Variants in MYO5B observed in about 807,000 individuals in gnomAD.
The protein encoded by MYO5B is myosin VB, also known as unconventional myosin-Vb.
A neutral mutation model predicts 229.3 loss-of-function variants in MYO5B; 143 were observed. The ratio of observed to expected loss-of-function variants is 0.62; its 90% CI spans 0.54 to 0.72. MYO5B has a LOEUF of 0.72. MYO5B is among the 30% of genes least tolerant of loss of function. MYO5B has a pLI of 0.00. For synonymous variants in MYO5B, 918 were observed against 885.2 expected, an observed-to-expected ratio of 1.04 and a Z score of -0.66; for missense variants, 2,321 against 2,331.0, an observed-to-expected ratio of 1.00 and a Z score of 0.09.
At chr18:49,955,758 T>C (rs2025485856) in intron 12 of MYO5B, among the ~76,000 whole-genome samples, 3 of 152,234 alleles carry the variant, frequency 2.0e-5, no homozygotes, top group Admixed American at 1.3e-4. Context: ...ATATATTTAA[T>C]TCAGCACTTT....
Position 49,892,258 on chromosome 18 carries a change from A to T in MYO5B, c.3045+2683T>A, listed in dbSNP as rs2024724225. 2.0e-5 allele frequency among the ~76,000 whole-genome samples: 3 copies of T among 152,232 alleles called. 1 individual carries two copies. In the South Asian group the frequency reaches 6.2e-4, roughly 32 times the overall value. ...GTGTGGACTACCCCGTGGAAGCGCC[A>T]AAACAACAGATACCTTTAGTAGAAA... On this transcript the variant is annotated intron_variant, in intron 22 of 39. Coordinates refer to ENST00000285039, the MANE Select transcript of MYO5B (RefSeq NM_001080467.3).
At position 49,954,454 on chromosome 18, in the gene MYO5B, G is replaced by C. The variant is rs1276424786; in HGVS notation, c.1546-19C>G. 1.2e-6 allele frequency: 2 copies of C among 1,613,730 alleles called. No homozygotes were observed. The highest frequency in any genetic ancestry group is 1.7e-6 in the Non-Finnish European group (2 of 1,179,760). The stretch of plus-strand genomic sequence containing the variant: ...TGGGGACCTGCAGAACCACAAGATA[G>C]GGCAGAGCGCTTTGTGAAGAGGAAG... On this transcript the variant is annotated intron_variant, in intron 12 of 39. Coordinates refer to ENST00000285039, the MANE Select transcript of MYO5B (RefSeq NM_001080467.3).
chr18:49,875,716 T>G lies in MYO5B; in HGVS notation c.3508A>C (p.Arg1170=). 1 of 1,614,172 alleles carries G rather than the reference T, an allele frequency of 6.2e-7. No individual in the cohort carries two copies. Among genetic ancestry groups the G allele is most frequent in the Non-Finnish European group, 8.5e-7 (1 of 1,180,006 alleles). ...ACTTTCTTGCTGTCCTGCTGTTCTC[T>G]CTTCTCCAGCTGCACTTGCAGCTTT... ...RKKLQVQLEK[R]EQQDSKKVQA... is the part of the protein sequence containing the mutation. The change falls in exon 26 of 40, where the codon AGA becomes CGA. Residue 1170 remains arginine (R), a synonymous_variant. Transcript: ENST00000285039.
chr18:49,891,058 C>T (rs575702549), intron 22 of MYO5B, among the ~76,000 whole-genome samples: 48 of 152,254 alleles, frequency 3.2e-4, no homozygotes, highest in Middle Eastern at 3.4e-3. Context: ...GTCAAGGCCG[C>T]GCTTGAAGTC....
At chr18:49,938,718 C>G (rs188092807) in intron 14 of MYO5B, among the ~76,000 whole-genome samples, 1 of 152,320 alleles carries the variant, frequency 6.6e-6, no homozygotes, top group African/African-American at 2.4e-5. Flanking sequence ...AACCATCCAA[C>G]TGGTCACGTT....
At chr18:50,064,381 C>CAT (rs1202866082) in intron 1 of MYO5B, 1 of 152,226 alleles carries the variant, frequency 6.6e-6, no homozygotes, top group Non-Finnish European at 1.5e-5. Context: ...TAATGCATAT[C>CAT]ATGCAGCTAA....
intron 12 of MYO5B, among the ~76,000 whole-genome samples, chr18:49,957,328 G>GAC (rs1311125495): frequency 2.0e-5 from 3 of 152,034 alleles, no homozygotes; most frequent in African/African-American, 7.2e-5. Flanking sequence ...CAAAGCTGCT[G>GAC]ACAGGAGCTG....
chr18:50,017,383 C>T (rs1419737618), intron 4 of MYO5B, among the ~76,000 whole-genome samples: 1 of 152,166 alleles, frequency 6.6e-6, no homozygotes, highest in Non-Finnish European at 1.5e-5. Flanking sequence ...CCTTGGCCTC[C>T]CAAAGTGCTG....
intron 4 of MYO5B, among the ~76,000 whole-genome samples, chr18:50,027,768 C>G (rs561214433): frequency 1.5e-4 from 23 of 152,282 alleles, no homozygotes; most frequent in Admixed American, 6.5e-4. Flanking sequence ...ACAACAGACT[C>G]GTTACATCTG....
rs112388564 is a variant in MYO5B, at chr18:49,952,820, G to A, written c.1752+440C>T. 2.8e-4 allele frequency among the ~76,000 whole-genome samples: 43 copies of A among 151,954 alleles called. 1 individual carries two copies. The highest frequency in any genetic ancestry group is 1.5e-3 in the South Asian group (7 of 4,786). On this transcript the variant is annotated intron_variant, in intron 14 of 39. Coordinates refer to ENST00000285039, the MANE Select transcript of MYO5B (RefSeq NM_001080467.3). ...TTATAGAGAGGTTCTATAGACTGCT[G>A]AACAAATTAAATGCAGATACTAGAT...
chr18:50,088,736 C>A (rs1391989822), intron 1 of MYO5B, among the ~76,000 whole-genome samples: 1 of 152,186 alleles, frequency 6.6e-6, no homozygotes, highest in East Asian at 1.9e-4. Flanking sequence ...CCTCCATCTT[C>A]CAAAAGTGAT....
At chr18:49,891,739 C>T (rs1335166708) in intron 22 of MYO5B, among the ~76,000 whole-genome samples, 4 of 152,186 alleles carry the variant, frequency 2.6e-5, no homozygotes, top group Non-Finnish European at 4.4e-5. Context: ...GCTATGAGAG[C>T]CCCCATTCCC....
At chr18:49,885,832 G>A (rs1256376294) in intron 22 of MYO5B, among the ~76,000 whole-genome samples, 2 of 152,190 alleles carry the variant, frequency 1.3e-5, no homozygotes, top group African/African-American at 2.4e-5. Flanking sequence ...AGCTGCTGAT[G>A]GGTCTGTAGT....
At chr18:49,871,378 G>A (rs573780615) in intron 27 of MYO5B, among the ~76,000 whole-genome samples, 1 of 152,262 alleles carries the variant, frequency 6.6e-6, no homozygotes, top group East Asian at 1.9e-4. Context: ...AACATTATGA[G>A]TGTATTTAAT....
In MYO5B at chr18:50,020,944, G is replaced by A. The variant is rs538967335; in HGVS notation, c.455+15906C>T. ...TAAAAGCTGCTCTGTTTCTAGGGCA[G>A]AAATTGATACACAGGGCATTCCTGT... is the stretch of plus-strand genomic sequence containing the variant. On this transcript the variant is annotated intron_variant, in intron 4 of 39. Coordinates refer to ENST00000285039, the MANE Select transcript of MYO5B (RefSeq NM_001080467.3). Among the ~76,000 whole-genome samples the A allele has an allele frequency of 4.6e-5, 7 of 152,304 alleles. No homozygotes were observed. In the South Asian group the frequency reaches 1.4e-3, roughly 32 times the overall value.
At chr18:50,068,030 T>C (rs2030865252) in intron 1 of MYO5B, among the ~76,000 whole-genome samples, 1 of 104,556 alleles carries the variant, frequency 9.6e-6, no homozygotes. Flanking sequence ...CATACATATA[T>C]ATATACACAC....
At chr18:50,028,520 G>A (rs1234325072) in intron 4 of MYO5B, among the ~76,000 whole-genome samples, 1 of 151,946 alleles carries the variant, frequency 6.6e-6, no homozygotes, top group East Asian at 1.9e-4. Flanking sequence ...CAGAGTGGGG[G>A]GCAAGGACAG....
chr18:50,024,106 T>A (rs1410487567), intron 4 of MYO5B, among the ~76,000 whole-genome samples: 2 of 152,174 alleles, frequency 1.3e-5, no homozygotes, highest in Admixed American at 1.3e-4. Context: ...CATCAGGTAA[T>A]TATGATGGAT....
intron 27 of MYO5B, among the ~76,000 whole-genome samples, chr18:49,867,906 G>A (rs2024414764): frequency 1.3e-5 from 2 of 152,210 alleles, no homozygotes; most frequent in African/African-American, 2.4e-5. Context: ...TTAATAAAAT[G>A]GACAGTCCAG....
Sources: allele counts gnomAD v4.1 joint callset (sites outside exome capture counted in the v4.1 genomes callset), GRCh38; gene constraint gnomAD v4.1.1; transcripts MANE v1.5; gene names NCBI Gene and HGNC (gene_info 2026-07-23, HGNC 2026-07-21).